CMIP: variants seen among roughly 807,000 people sequenced by gnomAD.
The protein encoded by CMIP is c-Maf inducing protein.
A neutral mutation model predicts 97.3 loss-of-function variants in CMIP; 13 were observed. That is an observed-to-expected ratio of 0.13 (90% CI 0.09 to 0.21). The LOEUF (loss-of-function observed/expected upper bound fraction) is 0.21, where lower values mean the gene tolerates loss of function less well. Ranked by LOEUF, CMIP falls within the 10% of genes least tolerant of loss-of-function variation. The probability of loss-of-function intolerance (pLI) is 1.00; values close to 1 mark genes in which losing one functional copy is unlikely to be tolerated. For missense variants in CMIP, 847 were observed against 1,024.9 expected (o/e 0.83, Z 2.37); for synonymous variants, 538 against 436.3 (o/e 1.23, Z -2.91).
chr16:81,668,922 ACTCACGG>A lies in CMIP; in HGVS notation c.826-1218_826-1212del, dbSNP rs1469326079. ...CTCACACCTTCCACACCCACCTCAC[ACTCACGG>A]CCTTCCACACCCACCTCACACCTTC... On this transcript the variant is annotated intron_variant, in intron 7 of 20. Coordinates refer to ENST00000537098, the MANE Select transcript of CMIP (RefSeq NM_198390.3). Among the ~76,000 whole-genome samples, 6 of 112,900 alleles carry A rather than the reference ACTCACGG, an allele frequency of 5.3e-5. No homozygotes were observed. The East Asian group carries it at 1.2e-3, about 23-fold the overall frequency. The allele number at this position is 112,900 out of a possible 152,430, so 74.1% of individuals were successfully genotyped here. A position where few individuals can be genotyped will look rare whatever the true frequency, so the allele number is the denominator to read the frequency against.
At chr16:81,544,474 A>G (rs1183359565) in intron 1 of CMIP, among the ~76,000 whole-genome samples, 2 of 148,922 alleles carry the variant, frequency 1.3e-5, no homozygotes, top group Non-Finnish European at 1.5e-5. Context: ...TTGTTTTTAA[A>G]TATTTCCTTC....
intron 1 of CMIP, among the ~76,000 whole-genome samples, chr16:81,582,636 G>A (rs1436178889): frequency 2.0e-5 from 3 of 152,198 alleles, no homozygotes; most frequent in South Asian, 2.1e-4. Flanking sequence ...GTAGAGAAGT[G>A]TACCAAAGTC....
chr16:81,589,232 G>A (rs1385040223), intron 1 of CMIP, among the ~76,000 whole-genome samples: 1 of 152,064 alleles, frequency 6.6e-6, no homozygotes, highest in Non-Finnish European at 1.5e-5. Flanking sequence ...AAGTAGCTGG[G>A]ACTACAGGCG....
At position 81,614,047 on chromosome 16, in the gene CMIP, G is replaced by A. The variant is rs1037836417; in HGVS notation, c.426+6355G>A. Among the ~76,000 whole-genome samples the A allele has an allele frequency of 3.9e-5, 6 of 152,214 alleles. No homozygotes were observed. The highest frequency in any genetic ancestry group is 3.8e-4 in the East Asian group (2 of 5,200). On this transcript the variant is annotated intron_variant, in intron 2 of 20. Transcript: ENST00000537098. The surrounding 1 kb of genome is among the most constrained non-coding windows in gnomAD (Gnocchi z 5.3). ...TCCAGGACAGTGTGATGCGTTAGGC[G>A]AGGCATTCTGGCCTGGTTTGGTTGG...
chr16:81,512,191 T>C (rs1176708211), intron 1 of CMIP, among the ~76,000 whole-genome samples: 1 of 152,254 alleles, frequency 6.6e-6, no homozygotes, highest in Non-Finnish European at 1.5e-5. Context: ...AGAGCACTGA[T>C]CTAGAGATTT....
intron 9 of CMIP, 81 bp from the exon 10 acceptor site, chr16:81,678,194 G>C: frequency 9.5e-7 from 1 of 1,054,618 alleles, no homozygotes; most frequent in Non-Finnish European, 1.3e-6. Flanking sequence ...CTGGGATTCA[G>C]GGAGGCCTTT....
At chr16:81,579,929 C>T (rs2091267490) in intron 1 of CMIP, among the ~76,000 whole-genome samples, 1 of 152,098 alleles carries the variant, frequency 6.6e-6, no homozygotes, top group African/African-American at 2.4e-5. Flanking sequence ...GCACTCCAGC[C>T]CGCCTGGGCG....
intron 3 of CMIP, among the ~76,000 whole-genome samples, chr16:81,648,180 T>A (rs1597192577): frequency 1.5e-5 from 1 of 67,552 alleles, no homozygotes; most frequent in Non-Finnish European, 4.2e-5. Context: ...TGATATCCTC[T>A]TCACCCGACC....
At chr16:81,705,236 C>A (rs1192058488) in intron 18 of CMIP, among the ~76,000 whole-genome samples, 1 of 152,222 alleles carries the variant, frequency 6.6e-6, no homozygotes, top group East Asian at 1.9e-4. Context: ...AAGTTCAAAG[C>A]CCTCCTTCAT....
intron 1 of CMIP, 105 bp downstream of exon 1, chr16:81,445,646 C>A (rs1453304587): frequency 8.6e-6 from 11 of 1,275,446 alleles, no homozygotes; most frequent in Non-Finnish European, 1.2e-5. Flanking sequence ...GCCTGGGGGG[C>A]GGTGGGGGGT....
chr16:81,705,994 A>G (rs767040135), intron 19 of CMIP, among the ~76,000 whole-genome samples: 8 of 152,108 alleles, frequency 5.3e-5, no homozygotes, highest in Non-Finnish European at 8.8e-5. Flanking sequence ...TCCCAAGCCC[A>G]CTCCAGACCT....
chr16:81,643,504 T>C (rs1209806226), intron 3 of CMIP, among the ~76,000 whole-genome samples: 1 of 152,190 alleles, frequency 6.6e-6, no homozygotes, highest in Non-Finnish European at 1.5e-5. Flanking sequence ...AATGGGTACA[T>C]GGTGGCCGGG....
At chr16:81,565,760 TC>T (rs2090969649) in intron 1 of CMIP, among the ~76,000 whole-genome samples, 1 of 151,960 alleles carries the variant, frequency 6.6e-6, no homozygotes, top group South Asian at 2.1e-4. Flanking sequence ...TTTGACTCAT[TC>T]GTGCTGTCAT....
intron 1 of CMIP, among the ~76,000 whole-genome samples, chr16:81,578,359 A>C (rs966148927): frequency 6.6e-6 from 1 of 152,228 alleles, no homozygotes. Flanking sequence ...GGTCTTTGTC[A>C]TAAAGAGTAC....
chr16:81,563,284 G>C (rs994692832), intron 1 of CMIP, among the ~76,000 whole-genome samples: 1 of 152,220 alleles, frequency 6.6e-6, no homozygotes, highest in Non-Finnish European at 1.5e-5. Flanking sequence ...TTGGCTTGGG[G>C]ATCATGGGCT....
At chr16:81,489,906 G>A (rs1433313087) in intron 1 of CMIP, among the ~76,000 whole-genome samples, 1 of 152,238 alleles carries the variant, frequency 6.6e-6, no homozygotes, top group Non-Finnish European at 1.5e-5. Flanking sequence ...ATCCAGTGAT[G>A]TCCTGAAATC....
At chr16:81,666,841 A>C (rs2092608617) in intron 7 of CMIP, 1 of 152,218 alleles carries the variant, frequency 6.6e-6, no homozygotes, top group Non-Finnish European at 1.5e-5. Flanking sequence ...ACCTGACCTC[A>C]TGGAATCCTA....
At chr16:81,553,714 T>C (rs1179301891) in intron 1 of CMIP, among the ~76,000 whole-genome samples, 1 of 152,254 alleles carries the variant, frequency 6.6e-6, no homozygotes, top group Non-Finnish European at 1.5e-5. Context: ...TTGTGTTTTC[T>C]CTTTCCCGTG....
At chr16:81,659,771 G>A (rs1460319958) in intron 5 of CMIP, among the ~76,000 whole-genome samples, 1 of 152,178 alleles carries the variant, frequency 6.6e-6, no homozygotes, top group Non-Finnish European at 1.5e-5. Context: ...ACCCTTAATT[G>A]GGTCAGGTTG....
Sources: gnomAD v4.1 joint callset for allele counts (sites outside exome capture counted in the v4.1 genomes callset) on GRCh38, gnomAD v4.1.1 for gene constraint, Gnocchi (gnomAD v3.1) non-coding constraint, MANE v1.5 for transcripts, NCBI Gene and HGNC (gene_info 2026-07-23, HGNC 2026-07-21) for gene names.